Variants in DACH1 observed in about 807,000 individuals in gnomAD.
DACH1 encodes dachshund family transcription factor 1, also known as dachshund homolog 1.
Under a neutral mutation model 54.2 loss-of-function variants are expected in DACH1, and 12 were observed. The ratio of observed to expected loss-of-function variants is 0.22; its 90% CI spans 0.14 to 0.36. The LOEUF is 0.36. Among genes scored for constraint, DACH1 ranks in the 10% least tolerant of loss-of-function variants. The pLI, the probability that DACH1 is intolerant of heterozygous loss-of-function variation, is 1.00. For missense variants in DACH1, 805 were observed against 929.8 expected (o/e 0.87, Z 1.75); for synonymous variants, 386 against 366.2 (o/e 1.05, Z -0.62).
intron 4 of DACH1, among the ~76,000 whole-genome samples, chr13:71,572,163 C>T (rs190042231): frequency 9.9e-5 from 15 of 151,990 alleles, no homozygotes; most frequent in East Asian, 5.8e-4. Context: ...AGCCAGACAA[C>T]GCAGTTAAAA....
chr13:71,643,928 T>C (rs1386621308), intron 2 of DACH1, among the ~76,000 whole-genome samples: 1 of 152,088 alleles, frequency 6.6e-6, no homozygotes, highest in East Asian at 1.9e-4. Context: ...GATGAAAAAG[T>C]GCAGATAAAC....
intron 1 of DACH1, among the ~76,000 whole-genome samples, chr13:71,830,154 C>T (rs940028631): frequency 5.3e-5 from 8 of 151,662 alleles, no homozygotes; most frequent in African/African-American, 9.7e-5. Flanking sequence ...GTTAAGAATA[C>T]GAAACACACC....
chr13:71,556,804 T>C (rs1413376408), intron 6 of DACH1, among the ~76,000 whole-genome samples: 1 of 152,104 alleles, frequency 6.6e-6, no homozygotes, highest in Non-Finnish European at 1.5e-5. Context: ...GTAACTAAAT[T>C]GTAACTTACC....
intron 2 of DACH1, among the ~76,000 whole-genome samples, chr13:71,632,937 G>C (rs1169007942): frequency 6.6e-6 from 1 of 151,970 alleles, no homozygotes; most frequent in Non-Finnish European, 1.5e-5. Context: ...TTTCTTTCCT[G>C]TTCTCTTAAA....
At chr13:71,514,424 G>T (rs987161698) in intron 6 of DACH1, among the ~76,000 whole-genome samples, 1 of 151,692 alleles carries the variant, frequency 6.6e-6, no homozygotes, top group East Asian at 1.9e-4. Flanking sequence ...ATATAAAAAA[G>T]AATGAATTAA....
chr13:71,834,637 T>C (rs1262742916), intron 1 of DACH1, among the ~76,000 whole-genome samples: 3 of 152,020 alleles, frequency 2.0e-5, no homozygotes, highest in Non-Finnish European at 4.4e-5. Context: ...CTGTAGCCTA[T>C]GTTTGACCAA....
At chr13:71,557,906 G>A (rs1334235103) in intron 5 of DACH1, among the ~76,000 whole-genome samples, 1 of 141,350 alleles carries the variant, frequency 7.1e-6, no homozygotes, top group Non-Finnish European at 1.5e-5. Context: ...CCAGATTAAA[G>A]AATACTAAGA....
chr13:71,670,228 G>A (rs760719840), intron 2 of DACH1, among the ~76,000 whole-genome samples: 10 of 152,146 alleles, frequency 6.6e-5, no homozygotes, highest in South Asian at 2.1e-4. Flanking sequence ...AAACGTTTGC[G>A]TAATCTGATT....
chr13:71,797,184 G>A (rs902333649), intron 1 of DACH1, among the ~76,000 whole-genome samples: 4 of 152,042 alleles, frequency 2.6e-5, no homozygotes, highest in East Asian at 3.9e-4. Flanking sequence ...TACTTACCTT[G>A]TGTTGATTCA....
At chr13:71,712,118 G>C (rs1324566335) in intron 1 of DACH1, among the ~76,000 whole-genome samples, 2 of 151,922 alleles carry the variant, frequency 1.3e-5, no homozygotes, top group Non-Finnish European at 2.9e-5. Context: ...AATGATACAG[G>C]ATTTTTAGTA....
intron 2 of DACH1, among the ~76,000 whole-genome samples, chr13:71,649,888 T>C (rs1878553719): frequency 6.6e-6 from 1 of 152,180 alleles, no homozygotes; most frequent in African/African-American, 2.4e-5. Context: ...CACTAAATTA[T>C]CCAGTGCAGA....
chr13:71,762,679 A>T (rs1885451574), intron 1 of DACH1, among the ~76,000 whole-genome samples: 1 of 145,406 alleles, frequency 6.9e-6, no homozygotes, highest in South Asian at 2.2e-4. Context: ...AGGCAAGAGA[A>T]TTGCTTGAAC....
At chr13:71,556,131 C>T (rs147729486) in intron 6 of DACH1, among the ~76,000 whole-genome samples, 65 of 152,240 alleles carry the variant, frequency 4.3e-4, no homozygotes, top group African/African-American at 1.5e-3. Flanking sequence ...TCCCTCCACG[C>T]ATTTATTCCT....
intron 7 of DACH1, among the ~76,000 whole-genome samples, chr13:71,479,666 T>C (rs968025708): frequency 6.6e-6 from 1 of 152,148 alleles, no homozygotes; most frequent in Non-Finnish European, 1.5e-5. Context: ...GAAATTAGGC[T>C]GAAACTCCTC....
intron 6 of DACH1, among the ~76,000 whole-genome samples, chr13:71,539,668 C>A (rs1883011758): frequency 6.6e-6 from 1 of 152,018 alleles, no homozygotes; most frequent in Non-Finnish European, 1.5e-5. Context: ...CTATTTTACA[C>A]ATATTTTATT....
At chr13:71,465,805 C>A (rs1162662276) in intron 10 of DACH1, among the ~76,000 whole-genome samples, 2 of 152,042 alleles carry the variant, frequency 1.3e-5, no homozygotes, top group Admixed American at 6.6e-5. Flanking sequence ...ATTTGGAATT[C>A]ATAGTAGTAA....
intron 3 of DACH1, among the ~76,000 whole-genome samples, chr13:71,628,482 C>A (rs1291075694): frequency 6.6e-6 from 1 of 151,932 alleles, no homozygotes; most frequent in Non-Finnish European, 1.5e-5. Context: ...AGCAGCAACA[C>A]CGATATTATG....
intron 6 of DACH1, among the ~76,000 whole-genome samples, chr13:71,532,915 A>G (rs751184447): frequency 5.4e-4 from 82 of 152,060 alleles, no homozygotes; most frequent in Non-Finnish European, 9.4e-4. Flanking sequence ...AAATAATGAT[A>G]AGAATATATT....
intron 1 of DACH1, among the ~76,000 whole-genome samples, chr13:71,746,515 C>T (rs1884607654): frequency 6.6e-6 from 1 of 152,032 alleles, no homozygotes; most frequent in Non-Finnish European, 1.5e-5. Context: ...ACAAAAATTC[C>T]CAGGTCACTG....
Sources: gnomAD v4.1 joint callset for allele counts (sites outside exome capture counted in the v4.1 genomes callset) on GRCh38, gnomAD v4.1.1 for gene constraint, MANE v1.5 for transcripts, NCBI Gene and HGNC (gene_info 2026-07-23, HGNC 2026-07-21) for gene names.